Variants in OLFM3 observed in about 807,000 individuals in gnomAD.
OLFM3 encodes the protein olfactomedin 3.
In OLFM3, 20 loss-of-function variants were observed where a neutral mutation model predicts 48.6. The ratio of observed to expected loss-of-function variants is 0.41; its 90% CI spans 0.29 to 0.60. The LOEUF (loss-of-function observed/expected upper bound fraction) is 0.60, where lower values mean the gene tolerates loss of function less well. Among genes scored for constraint, OLFM3 ranks in the 20% least tolerant of loss-of-function variants. The pLI is 0.28. For synonymous variants in OLFM3, 222 were observed against 198.1 expected (o/e 1.12, Z -1.01); for missense variants, 437 against 544.3 (o/e 0.80, Z 1.96).
chr1:101,992,573 G>T (rs959153080), intron 1 of OLFM3, among the ~76,000 whole-genome samples: 1 of 151,136 alleles, frequency 6.6e-6, no homozygotes, highest in Non-Finnish European at 1.5e-5. Flanking sequence ...GGAAAAGACA[G>T]ATTTTTAAGG....
At chr1:101,831,225 C>T (rs1178096178) in intron 2 of OLFM3, among the ~76,000 whole-genome samples, 1 of 152,114 alleles carries the variant, frequency 6.6e-6, no homozygotes, top group Non-Finnish European at 1.5e-5. Flanking sequence ...GGATGTTTAG[C>T]AATTGTGGAT....
At chr1:101,881,906 C>T (rs796475916) in intron 1 of OLFM3, among the ~76,000 whole-genome samples, 17 of 151,684 alleles carry the variant, frequency 1.1e-4, no homozygotes, top group African/African-American at 3.4e-4. Context: ...TTTTCCTCTT[C>T]CACCTCTCTT....
At chr1:101,897,638 A>C (rs1223151359) in intron 1 of OLFM3, among the ~76,000 whole-genome samples, 1 of 152,212 alleles carries the variant, frequency 6.6e-6, no homozygotes, top group Non-Finnish European at 1.5e-5. Flanking sequence ...ATACATTATG[A>C]AACATGGCAC....
At chr1:101,939,616 T>C (rs918383093) in intron 1 of OLFM3, among the ~76,000 whole-genome samples, 1 of 152,152 alleles carries the variant, frequency 6.6e-6, no homozygotes, top group Non-Finnish European at 1.5e-5. Context: ...TTCAAGGAAT[T>C]GAAAGTCTAT....
At chr1:101,922,947 A>C (rs1436061024) in intron 1 of OLFM3, among the ~76,000 whole-genome samples, 1 of 152,184 alleles carries the variant, frequency 6.6e-6, no homozygotes, top group African/African-American at 2.4e-5. Context: ...ATTCTATGGA[A>C]GCTCTATAAA....
rs1024565693 is a variant in OLFM3, at chr1:101,966,353, G to A, written c.69+30395C>T. Among the ~76,000 whole-genome samples, 76 of 90,308 alleles carry A rather than the reference G, an allele frequency of 8.4e-4. 3 individuals are homozygous for A. The highest frequency in any genetic ancestry group is 1.8e-4 in the African/African-American group (4 of 22,010). 59.2% of individuals were successfully genotyped at this position (90,308 alleles called of 152,430 possible). On this transcript the variant is annotated intron_variant, in intron 1 of 5. Coordinates refer to ENST00000370103, the MANE Select transcript of OLFM3 (RefSeq NM_058170.4). ...TGTGTGTGTGTGTGTGTGTGTGTGC[G>A]CTACAGATAAGGTCTTACTGTGTTG...
intron 1 of OLFM3, among the ~76,000 whole-genome samples, chr1:101,924,689 G>A (rs1659211192): frequency 6.6e-6 from 1 of 151,864 alleles, no homozygotes; most frequent in South Asian, 2.1e-4. Context: ...CTGCTTCTTG[G>A]GTCTCTCAAT....
chr1:101,838,741 A>G (rs2100927721), intron 1 of OLFM3, among the ~76,000 whole-genome samples: 1 of 152,292 alleles, frequency 6.6e-6, no homozygotes, highest in Non-Finnish European at 1.5e-5. Flanking sequence ...CAGCCTCCCA[A>G]AGTGCTGCGA....
At chr1:101,812,369 G>A (rs1304158849) in intron 4 of OLFM3, 5 of 942,776 alleles carry the variant, frequency 5.3e-6, no homozygotes, top group Non-Finnish European at 6.3e-6. Flanking sequence ...TCAAAGTGAA[G>A]TTTGATTTAC....
intron 1 of OLFM3, among the ~76,000 whole-genome samples, chr1:101,891,508 C>T (rs968323412): frequency 1.3e-5 from 2 of 151,838 alleles, no homozygotes; most frequent in African/African-American, 4.8e-5. Flanking sequence ...CACTATTACT[C>T]ATAAGAAGCA....
rs181979539 is a variant in OLFM3, at chr1:101,861,249, A to T, written c.70-24224T>A. On this transcript the variant is annotated intron_variant, in intron 1 of 5. Coordinates refer to ENST00000370103, the MANE Select transcript of OLFM3 (RefSeq NM_058170.4). ...GACAATTTTTGTATTTTTAGTAGAG[A>T]CAGGGTTTCACTATGTTAGCCAGGC... is the stretch of plus-strand genomic sequence containing the variant. Among the ~76,000 whole-genome samples the T allele has an allele frequency of 2.1e-3, 321 of 152,058 alleles. 7 individuals carry two copies. Among genetic ancestry groups the T allele is most frequent in the East Asian group, 3.9e-3 (20 of 5,184 alleles).
intron 1 of OLFM3, among the ~76,000 whole-genome samples, chr1:101,948,233 T>C (rs2101067344): frequency 6.6e-6 from 1 of 152,318 alleles, no homozygotes; most frequent in South Asian, 2.1e-4. Flanking sequence ...TTGTCTGTGA[T>C]ACTGATAATA....
intron 1 of OLFM3, among the ~76,000 whole-genome samples, chr1:101,929,710 A>T (rs1380071614): frequency 6.6e-6 from 1 of 152,184 alleles, no homozygotes. Flanking sequence ...CACAAAATAA[A>T]TTAAATTTAT....
intron 1 of OLFM3, among the ~76,000 whole-genome samples, chr1:101,883,961 T>C (rs1201693930): frequency 1.6e-4 from 25 of 151,884 alleles, no homozygotes; most frequent in Admixed American, 1.6e-3. Context: ...CTGGTCTGTA[T>C]TGATTCTCAT....
At chr1:101,975,228 A>C (rs945647) in intron 1 of OLFM3, among the ~76,000 whole-genome samples, 1 of 151,944 alleles carries the variant, frequency 6.6e-6, no homozygotes, top group African/African-American at 2.4e-5. Context: ...ATTTATATTA[A>C]CACTTAAAGT....
chr1:101,854,598 C>T (rs575283788), intron 1 of OLFM3, among the ~76,000 whole-genome samples: 7 of 152,010 alleles, frequency 4.6e-5, no homozygotes, highest in South Asian at 4.2e-4. Context: ...GAAATAAAAA[C>T]GAAGAATGCA....
At chr1:101,851,547 T>C (rs1656221440) in intron 1 of OLFM3, among the ~76,000 whole-genome samples, 1 of 152,110 alleles carries the variant, frequency 6.6e-6, no homozygotes, top group Admixed American at 6.6e-5. Context: ...TGTCTTGCAA[T>C]TCAGTCACCT....
intron 4 of OLFM3, among the ~76,000 whole-genome samples, chr1:101,810,930 G>T (rs911282125): frequency 6.6e-6 from 1 of 151,798 alleles, no homozygotes; most frequent in African/African-American, 2.4e-5. Flanking sequence ...ATTCAAGTAT[G>T]AATGATATGC....
intron 3 of OLFM3, among the ~76,000 whole-genome samples, chr1:101,826,129 AACACACACACACACACAC>A (rs66617960): frequency 1.2e-4 from 16 of 133,076 alleles, no homozygotes; most frequent in Middle Eastern, 3.8e-3. Context: ...ACTTTCGTCA[AACACACACACACACACAC>A]ACACACACAC....
Sources: allele counts gnomAD v4.1 joint callset (sites outside exome capture counted in the v4.1 genomes callset), GRCh38; gene constraint gnomAD v4.1.1; transcripts MANE v1.5; gene names NCBI Gene and HGNC (gene_info 2026-07-23, HGNC 2026-07-21).